Variants in FBXL7 observed in about 807,000 individuals in gnomAD.
FBXL7 encodes F-box and leucine rich repeat protein 7, also known as F-box/LRR-repeat protein 7.
Under a neutral mutation model 38.3 loss-of-function variants are expected in FBXL7, and 12 were observed. The observed-to-expected ratio is 0.31, with a 90% confidence interval of 0.20 to 0.51. FBXL7 has a LOEUF of 0.51. Ranked by LOEUF, FBXL7 falls within the 20% of genes least tolerant of loss-of-function variation. The pLI, the probability that FBXL7 is intolerant of heterozygous loss-of-function variation, is 0.98. For missense variants in FBXL7, 567 were observed against 676.4 expected (o/e 0.84, Z 1.79); for synonymous variants, 297 against 300.9 (o/e 0.99, Z 0.13).
chr5:15,906,461 A>G (rs1389565183), intron 2 of FBXL7, among the ~76,000 whole-genome samples: 2 of 146,640 alleles, frequency 1.4e-5, no homozygotes, highest in Non-Finnish European at 3.0e-5. Flanking sequence ...TTTTTATGTA[A>G]CATGTATTTT....
intron 2 of FBXL7, among the ~76,000 whole-genome samples, chr5:15,662,170 C>T (rs147696827): frequency 3.3e-5 from 5 of 152,148 alleles, no homozygotes; most frequent in East Asian, 1.9e-4. Context: ...CTTTTCTCTG[C>T]AACCTCACCA....
intron 2 of FBXL7, among the ~76,000 whole-genome samples, chr5:15,841,110 CAGTT>C: frequency 6.6e-6 from 1 of 152,134 alleles, no homozygotes; most frequent in Non-Finnish European, 1.5e-5. Context: ...TGACATTTAT[CAGTT>C]AGTATAACTT....
chr5:15,704,312 C>T (rs1743616225), intron 2 of FBXL7, among the ~76,000 whole-genome samples: 1 of 152,178 alleles, frequency 6.6e-6, no homozygotes, highest in Non-Finnish European at 1.5e-5. Flanking sequence ...ACCTCCCTGC[C>T]TTGGAAATTC....
At chr5:15,527,580 C>G (rs1737288734) in intron 1 of FBXL7, among the ~76,000 whole-genome samples, 1 of 152,108 alleles carries the variant, frequency 6.6e-6, no homozygotes, top group South Asian at 2.1e-4. Flanking sequence ...GAAATATTTA[C>G]TGTAAAACAT....
chr5:15,608,257 AT>A (rs947267558), intron 1 of FBXL7, among the ~76,000 whole-genome samples: 1 of 152,070 alleles, frequency 6.6e-6, no homozygotes, highest in African/African-American at 2.4e-5. Context: ...GCCAGGGTTC[AT>A]TTTTTTCTCA....
At chr5:15,569,860 GT>G (rs1738711973) in intron 1 of FBXL7, among the ~76,000 whole-genome samples, 2 of 152,212 alleles carry the variant, frequency 1.3e-5, no homozygotes. Flanking sequence ...TATGGTTTTT[GT>G]CGTTGGTTCT....
chr5:15,768,948 C>A (rs149475439), intron 2 of FBXL7, among the ~76,000 whole-genome samples: 2 of 152,332 alleles, frequency 1.3e-5, no homozygotes, highest in East Asian at 3.9e-4. Context: ...GTAATTGAGT[C>A]AATAAGACAT....
chr5:15,580,566 T>G lies in FBXL7; in HGVS notation c.38-35417T>G, dbSNP rs576312389. 1.2e-5 allele frequency: 11 copies of G among 946,846 alleles called. No homozygotes were observed. In the East Asian group the frequency reaches 1.2e-3, roughly 100 times the overall value. The allele number at this position is 946,846 out of a possible 1,614,324, so 58.7% of individuals were successfully genotyped here. A position where few individuals can be genotyped will look rare whatever the true frequency, so the allele number is the denominator to read the frequency against. On this transcript the variant is annotated intron_variant, in intron 1 of 3. Transcript: ENST00000504595. ...AAGCAAACCAAGAAGCCACTCTCTT[T>G]TAGTCTTTAAACAAATCTTGCACTA...
At chr5:15,687,616 G>A (rs148985580) in intron 2 of FBXL7, among the ~76,000 whole-genome samples, 1 of 152,298 alleles carries the variant, frequency 6.6e-6, no homozygotes, top group Non-Finnish European at 1.5e-5. Context: ...TGCCCTCAAG[G>A]CTGTGAGAAT....
chr5:15,606,308 C>T (rs985671282), intron 1 of FBXL7, among the ~76,000 whole-genome samples: 3 of 152,028 alleles, frequency 2.0e-5, no homozygotes, highest in Non-Finnish European at 4.4e-5. Flanking sequence ...CACACACACA[C>T]AATGTACATG....
intron 2 of FBXL7, among the ~76,000 whole-genome samples, chr5:15,736,731 A>G (rs1426330156): frequency 6.6e-6 from 1 of 152,164 alleles, no homozygotes; most frequent in Admixed American, 6.5e-5. Context: ...CTCCAATTTA[A>G]AAGCTGAAAA....
intron 2 of FBXL7, among the ~76,000 whole-genome samples, chr5:15,683,633 C>A (rs1259581338): frequency 1.3e-5 from 2 of 152,188 alleles, no homozygotes; most frequent in Non-Finnish European, 2.9e-5. Flanking sequence ...TGTAAAAAGG[C>A]AGCCACAGCA....
chr5:15,798,601 C>G (rs1327743303), intron 2 of FBXL7, among the ~76,000 whole-genome samples: 1 of 152,148 alleles, frequency 6.6e-6, no homozygotes, highest in Non-Finnish European at 1.5e-5. Flanking sequence ...GCTGATCAGA[C>G]AAGAGATGGA....
intron 1 of FBXL7, among the ~76,000 whole-genome samples, chr5:15,575,541 T>G (rs1738929872): frequency 1.3e-5 from 2 of 152,208 alleles, no homozygotes; most frequent in African/African-American, 4.8e-5. Flanking sequence ...CATTTTATTT[T>G]AGATTAGATG....
intron 2 of FBXL7, among the ~76,000 whole-genome samples, chr5:15,814,092 A>G (rs1561136659): frequency 6.6e-6 from 1 of 152,210 alleles, no homozygotes; most frequent in Non-Finnish European, 1.5e-5. Flanking sequence ...TACCCAAAGT[A>G]TTGTAAATCA....
At chr5:15,872,517 G>C (rs1740010820) in intron 2 of FBXL7, among the ~76,000 whole-genome samples, 1 of 152,182 alleles carries the variant, frequency 6.6e-6, no homozygotes, top group Non-Finnish European at 1.5e-5. Flanking sequence ...GCCCATCGCT[G>C]TGCTGTATTC....
intron 1 of FBXL7, among the ~76,000 whole-genome samples, chr5:15,596,426 C>T (rs1167301301): frequency 2.0e-5 from 3 of 151,994 alleles, no homozygotes; most frequent in Non-Finnish European, 4.4e-5. Flanking sequence ...TTTAGGTAGG[C>T]CAAGGCAGGA....
At chr5:15,915,559 A>G (rs1030952380) in intron 2 of FBXL7, among the ~76,000 whole-genome samples, 12 of 152,206 alleles carry the variant, frequency 7.9e-5, no homozygotes, top group Non-Finnish European at 1.8e-4. Flanking sequence ...CTAATCGAGC[A>G]TGACCTCCTC....
chr5:15,861,342 A>G (rs1426716518), intron 2 of FBXL7, among the ~76,000 whole-genome samples: 1 of 152,214 alleles, frequency 6.6e-6, no homozygotes, highest in African/African-American at 2.4e-5. Flanking sequence ...TCAAACTAGA[A>G]GGCAGAAAGC....
Sources: allele counts gnomAD v4.1 joint callset (sites outside exome capture counted in the v4.1 genomes callset), GRCh38; gene constraint gnomAD v4.1.1; transcripts MANE v1.5; gene names NCBI Gene and HGNC (gene_info 2026-07-23, HGNC 2026-07-21).